GBF1: variants seen among roughly 807,000 people sequenced by gnomAD.
GBF1 encodes golgi brefeldin A resistant guanine nucleotide exchange factor 1.
Under a neutral mutation model 210.5 loss-of-function variants are expected in GBF1, and 114 were observed. The ratio of observed to expected loss-of-function variants is 0.54; its 90% CI spans 0.47 to 0.63. The LOEUF is 0.63. Ranked by LOEUF, GBF1 falls within the 30% of genes least tolerant of loss-of-function variation. The pLI, the probability that GBF1 is intolerant of heterozygous loss-of-function variation, is 0.00. For synonymous variants in GBF1, 850 were observed against 889.2 expected (o/e 0.96, Z 0.78); for missense variants, 1,851 against 2,357.7 (o/e 0.79, Z 4.45).
At chr10:102,317,858 AATTT>A (rs1306406351) in intron 3 of GBF1, among the ~76,000 whole-genome samples, 3 of 152,076 alleles carry the variant, frequency 2.0e-5, no homozygotes, top group Admixed American at 1.3e-4. Context: ...AATGTTACAG[AATTT>A]ATTTAAGAGC....
chr10:102,339,038 T>C (rs888366424), intron 3 of GBF1, among the ~76,000 whole-genome samples: 1 of 151,524 alleles, frequency 6.6e-6, no homozygotes, highest in Middle Eastern at 3.2e-3. Flanking sequence ...GAAAAAAAAA[T>C]GAAGTTGGAG....
intron 3 of GBF1, among the ~76,000 whole-genome samples, chr10:102,260,910 CTTTG>C (rs2073119741): frequency 6.6e-6 from 1 of 152,114 alleles, no homozygotes; most frequent in African/African-American, 2.4e-5. Flanking sequence ...TCATTTGTCC[CTTTG>C]TTTGCCCCCT....
At position 102,361,085 on chromosome 10, in the gene GBF1, G is replaced by C; in HGVS notation, c.1456G>C (p.Glu486Gln). Residue 486 changes from glutamate (E) to glutamine (Q), a missense_variant, in exon 13 of 40, where the codon GAG (glutamate) becomes CAG (glutamine). This residue lies in a region of GBF1 where 804 missense variants were observed against 958.6 expected (regional missense o/e 0.84). Coordinates refer to ENST00000369983, the MANE Select transcript of GBF1 (RefSeq NM_001377137.1). ...ASLRVCFLLF[E>Q]SMREHLKFQM... Reference sequence around the variant, plus strand: ...CCTGCGAGTATGCTTCCTACTGTTTGAGAGCATGCGAGAGCACCTCAAGTT... The same window carrying C: ...CCTGCGAGTATGCTTCCTACTGTTTCAGAGCATGCGAGAGCACCTCAAGTT... 6.3e-7 allele frequency: 1 copy of C among 1,599,718 alleles called. No individual in the cohort carries two copies. The highest frequency in any genetic ancestry group is 8.6e-7 in the Non-Finnish European group (1 of 1,167,032).
intron 3 of GBF1, among the ~76,000 whole-genome samples, chr10:102,283,413 A>G (rs1396040387): frequency 6.6e-6 from 1 of 152,188 alleles, no homozygotes; most frequent in Non-Finnish European, 1.5e-5. Flanking sequence ...GAGCAAAACA[A>G]TGAGAAAGAG....
intron 3 of GBF1, among the ~76,000 whole-genome samples, chr10:102,260,965 G>A (rs1257714428): frequency 6.6e-6 from 1 of 152,032 alleles, no homozygotes; most frequent in East Asian, 1.9e-4. Flanking sequence ...ATATTCATAT[G>A]TTTAGAATTT....
chr10:102,369,508 C>A, intron 24 of GBF1, 121 bp downstream of exon 24: 1 of 884,544 alleles, frequency 1.1e-6, no homozygotes, highest in Non-Finnish European at 1.8e-6. Context: ...CCACAGCTCA[C>A]CAGGAATGCC....
Position 102,380,503 on chromosome 10 carries a change from C to T in GBF1, c.4993-3C>T, listed in dbSNP as rs2060780319. The T allele has an allele frequency of 1.9e-6, 3 of 1,610,188 alleles. No individual in the cohort carries two copies. The highest frequency in any genetic ancestry group is 2.5e-6 in the Non-Finnish European group (3 of 1,177,400). ...ATTCTCATGGTCCCACTGCCACCTG[C>T]AGTCAGAGGCGATCCCTGAGTCTCT... On this transcript the variant is annotated splice_region_variant and splice_polypyrimidine_tract_variant and intron_variant, in intron 37 of 39. Coordinates refer to ENST00000369983, the MANE Select transcript of GBF1 (RefSeq NM_001377137.1).
At chr10:102,353,553 A>C in intron 7 of GBF1, 47 bp from the exon 8 acceptor site, 1 of 1,314,444 alleles carries the variant, frequency 7.6e-7, no homozygotes, top group South Asian at 1.2e-5. Flanking sequence ...GGAGGGAGAC[A>C]TTTGTCATTA....
chr10:102,321,072 A>G (rs1303683885), intron 3 of GBF1, among the ~76,000 whole-genome samples: 1 of 152,228 alleles, frequency 6.6e-6, no homozygotes, highest in Non-Finnish European at 1.5e-5. Context: ...CTGGGATTAC[A>G]GGCATAAGCC....
chr10:102,314,239 G>A (rs1405386041), intron 3 of GBF1, among the ~76,000 whole-genome samples: 1 of 146,958 alleles, frequency 6.8e-6, no homozygotes, highest in Non-Finnish European at 1.5e-5. Context: ...TCAACCTCCT[G>A]GGCTCAAGTG....
chr10:102,270,241 C>T (rs1274536121), intron 3 of GBF1, among the ~76,000 whole-genome samples: 2 of 151,584 alleles, frequency 1.3e-5, no homozygotes, highest in Non-Finnish European at 2.9e-5. Flanking sequence ...GCAATCTTGG[C>T]TCACTGCAAC....
intron 29 of GBF1, among the ~76,000 whole-genome samples, chr10:102,375,146 C>T (rs570272873): frequency 6.6e-6 from 1 of 151,572 alleles, no homozygotes; most frequent in Non-Finnish European, 1.5e-5. Context: ...TGTGCTCCAG[C>T]CTGGGAGACA....
intron 3 of GBF1, among the ~76,000 whole-genome samples, chr10:102,329,838 G>A (rs1367539968): frequency 6.6e-6 from 1 of 152,152 alleles, no homozygotes; most frequent in Non-Finnish European, 1.5e-5. Flanking sequence ...GCCAGGCACA[G>A]TGGCTTATGC....
At chr10:102,292,996 T>C (rs1019471983) in intron 3 of GBF1, among the ~76,000 whole-genome samples, 1 of 152,202 alleles carries the variant, frequency 6.6e-6, no homozygotes, top group Non-Finnish European at 1.5e-5. Context: ...AAAATCTTCG[T>C]ATTTCTTTAA....
intron 3 of GBF1, among the ~76,000 whole-genome samples, chr10:102,296,276 AG>A (rs1279006475): frequency 6.6e-6 from 1 of 152,216 alleles, no homozygotes; most frequent in African/African-American, 2.4e-5. Flanking sequence ...ATAAGAAAGA[AG>A]GGTTATGGTT....
At chr10:102,281,255 A>G (rs2075447777) in intron 3 of GBF1, among the ~76,000 whole-genome samples, 1 of 152,014 alleles carries the variant, frequency 6.6e-6, no homozygotes, top group African/African-American at 2.4e-5. Context: ...AAGAAAATCA[A>G]CTCTATTGCA....
chr10:102,316,174 C>T (rs936216796), intron 3 of GBF1, among the ~76,000 whole-genome samples: 50 of 150,426 alleles, frequency 3.3e-4, no homozygotes, highest in Non-Finnish European at 7.4e-5. Flanking sequence ...GCAACCTCTG[C>T]CTCCTGGGTT....
intron 3 of GBF1, among the ~76,000 whole-genome samples, chr10:102,302,737 A>G (rs772014): frequency 0.4 from 60,819 of 151,890 alleles, 12,260 homozygotes; most frequent in South Asian, 0.51. Context: ...CCCCCCAGAG[A>G]AAGTCTGGCA....
chr10:102,347,891 A>G (rs1298067401), intron 4 of GBF1, among the ~76,000 whole-genome samples: 4 of 152,070 alleles, frequency 2.6e-5, no homozygotes, highest in East Asian at 3.8e-4. Context: ...AGCCTTGCCT[A>G]TGGTTCTTGT....
Sources: allele counts gnomAD v4.1 joint callset (sites outside exome capture counted in the v4.1 genomes callset), GRCh38; gene constraint gnomAD v4.1.1; regional missense constraint gnomAD v4.1.1; transcripts MANE v1.5; gene names NCBI Gene and HGNC (gene_info 2026-07-23, HGNC 2026-07-21).